GPC5: variants seen among roughly 807,000 people sequenced by gnomAD.
GPC5 encodes glypican 5, also known as glypican-5.
A neutral mutation model predicts 53.9 loss-of-function variants in GPC5; 47 were observed. That is an observed-to-expected ratio of 0.87 (90% CI 0.69 to 1.11). The LOEUF (loss-of-function observed/expected upper bound fraction) is 1.11. GPC5 is among the 50% of genes most tolerant of loss of function. GPC5 has a pLI of 0.00. For missense variants in GPC5, 748 were observed against 713.1 expected, an observed-to-expected ratio of 1.05 and a Z score of -0.56; for synonymous variants, 286 against 263.3, an observed-to-expected ratio of 1.09 and a Z score of -0.84.
chr13:92,196,024 G>T (rs557951976), intron 7 of GPC5, among the ~76,000 whole-genome samples: 3 of 152,194 alleles, frequency 2.0e-5, no homozygotes, highest in Non-Finnish European at 2.9e-5. Flanking sequence ...AAGAGAGCCA[G>T]TTGAGGCAGG....
At chr13:91,698,726 A>C (rs2035934010) in intron 3 of GPC5, among the ~76,000 whole-genome samples, 2 of 151,610 alleles carry the variant, frequency 1.3e-5, no homozygotes, top group Admixed American at 6.6e-5. Context: ...TATTAAATGC[A>C]ATACATTCTA....
At chr13:91,871,418 G>C (rs146844079) in intron 5 of GPC5, among the ~76,000 whole-genome samples, 1 of 151,880 alleles carries the variant, frequency 6.6e-6, no homozygotes, top group Non-Finnish European at 1.5e-5. Context: ...TTAATGCCTC[G>C]GTGATGAAAT....
chr13:91,419,909 A>G (rs1439368197), intron 1 of GPC5, among the ~76,000 whole-genome samples: 1 of 152,174 alleles, frequency 6.6e-6, no homozygotes, highest in Non-Finnish European at 1.5e-5. Context: ...CATGGACCAC[A>G]TGAAATTGTT....
At chr13:92,820,611 C>G (rs989237) in intron 7 of GPC5, among the ~76,000 whole-genome samples, 1 of 152,044 alleles carries the variant, frequency 6.6e-6, no homozygotes, top group African/African-American at 2.4e-5. Context: ...TCCTGCTTCC[C>G]TCTCCCTTGT....
chr13:91,598,863 T>C (rs894205254), intron 2 of GPC5, among the ~76,000 whole-genome samples: 6 of 151,884 alleles, frequency 4.0e-5, no homozygotes, highest in Admixed American at 3.3e-4. Context: ...GAAAGCTATA[T>C]AAAGAAAAAT....
At chr13:92,311,583 T>C (rs773097694) in intron 7 of GPC5, among the ~76,000 whole-genome samples, 10 of 152,166 alleles carry the variant, frequency 6.6e-5, no homozygotes, top group Non-Finnish European at 1.3e-4. Flanking sequence ...CTCACAATCA[T>C]AGCAGGAGGT....
At chr13:92,724,539 G>T (rs1338973086) in intron 7 of GPC5, among the ~76,000 whole-genome samples, 2 of 151,580 alleles carry the variant, frequency 1.3e-5, no homozygotes, top group African/African-American at 4.8e-5. Context: ...CCTTACAAAA[G>T]AAAGAAATTT....
intron 7 of GPC5, among the ~76,000 whole-genome samples, chr13:92,215,771 A>G (rs2042405244): frequency 6.6e-6 from 1 of 152,154 alleles, no homozygotes; most frequent in Admixed American, 6.5e-5. Flanking sequence ...CATTTAACTC[A>G]TGTAAGGTAA....
chr13:91,529,296 C>T (rs1886230526), intron 2 of GPC5, among the ~76,000 whole-genome samples: 1 of 152,068 alleles, frequency 6.6e-6, no homozygotes. Flanking sequence ...TTATTTAAAT[C>T]ACTTAAAAAG....
chr13:91,682,229 G>T (rs565131693), intron 2 of GPC5, among the ~76,000 whole-genome samples: 1 of 152,152 alleles, frequency 6.6e-6, no homozygotes, highest in African/African-American at 2.4e-5. Flanking sequence ...TATGGTGGTC[G>T]TGCTAGTAAG....
chr13:92,454,500 A>G (rs1878187392), intron 7 of GPC5, among the ~76,000 whole-genome samples: 3 of 152,238 alleles, frequency 2.0e-5, no homozygotes, highest in Admixed American at 1.3e-4. Flanking sequence ...ACATTCCATG[A>G]TAAGTACCAC....
At chr13:91,500,045 G>T (rs1288211440) in intron 2 of GPC5, among the ~76,000 whole-genome samples, 1 of 152,136 alleles carries the variant, frequency 6.6e-6, no homozygotes, top group South Asian at 2.1e-4. Flanking sequence ...CTTGGACCAT[G>T]CCCTCATTTC....
chr13:92,669,821 C>T (rs1482479430), intron 7 of GPC5, among the ~76,000 whole-genome samples: 1 of 152,096 alleles, frequency 6.6e-6, no homozygotes, highest in African/African-American at 2.4e-5. Context: ...CTCAGGAGTC[C>T]TCTCCATTCT....
At chr13:92,605,580 T>G (rs936353255) in intron 7 of GPC5, among the ~76,000 whole-genome samples, 3 of 149,202 alleles carry the variant, frequency 2.0e-5, no homozygotes, top group South Asian at 2.1e-4. Context: ...TCACTAGTTT[T>G]TTTTTTTTTT....
chr13:92,763,494 C>A (rs962498018), intron 7 of GPC5, among the ~76,000 whole-genome samples: 1 of 152,100 alleles, frequency 6.6e-6, no homozygotes. Context: ...TCATTTTCCC[C>A]ATAATGTGGA....
At chr13:92,789,491 C>A (rs542777130) in intron 7 of GPC5, among the ~76,000 whole-genome samples, 1 of 152,046 alleles carries the variant, frequency 6.6e-6, no homozygotes, top group African/African-American at 2.4e-5. Flanking sequence ...ATTTATTTAA[C>A]AAACTCAGGT....
intron 7 of GPC5, among the ~76,000 whole-genome samples, chr13:92,548,643 A>C (rs888988171): frequency 2.0e-5 from 3 of 152,058 alleles, no homozygotes; most frequent in Admixed American, 2.0e-4. Context: ...TTACGTGAAA[A>C]AGTGAAGACA....
At chr13:91,516,305 G>A (rs1343687639) in intron 2 of GPC5, among the ~76,000 whole-genome samples, 1 of 152,146 alleles carries the variant, frequency 6.6e-6, no homozygotes. Context: ...GATACAATGA[G>A]GGTACAGGTA....
chr13:92,005,117 C>T (rs2040594547), intron 6 of GPC5, among the ~76,000 whole-genome samples: 1 of 152,160 alleles, frequency 6.6e-6, no homozygotes, highest in Non-Finnish European at 1.5e-5. Context: ...ATCAACTTGA[C>T]CCTCAGTATT....
Sources: gnomAD v4.1 joint callset for allele counts (sites outside exome capture counted in the v4.1 genomes callset) on GRCh38, gnomAD v4.1.1 for gene constraint, MANE v1.5 for transcripts, NCBI Gene and HGNC (gene_info 2026-07-23, HGNC 2026-07-21) for gene names.